The following DEAF1 variants were observed in gnomAD, a reference collection of about 807,000 sequenced individuals.
The protein encoded by DEAF1 is deformed epidermal autoregulatory factor 1 homolog.
DEAF1 carries 53 observed loss-of-function variants against 58.9 expected under a neutral mutation model. The ratio of observed to expected loss-of-function variants is 0.90; its 90% CI spans 0.72 to 1.13. The LOEUF (loss-of-function observed/expected upper bound fraction) is 1.13, where lower values mean the gene tolerates loss of function less well. Among genes scored for constraint, DEAF1 ranks in the 50% most tolerant of loss-of-function variants. The pLI is 0.00. For synonymous variants in DEAF1, 385 were observed against 340.4 expected, an observed-to-expected ratio of 1.13 and a Z score of -1.44; for missense variants, 685 against 791.4, an observed-to-expected ratio of 0.87 and a Z score of 1.61.
At chr11:690,467 G>A (rs1377128913) in intron 2 of DEAF1, among the ~76,000 whole-genome samples, 1 of 151,786 alleles carries the variant, frequency 6.6e-6, no homozygotes, top group South Asian at 2.1e-4. Context: ...CTTTCAGGCC[G>A]GGTGTGGTGG....
intron 1 of DEAF1, chr11:700,711 AGTGGACTGTT>A: frequency 6.2e-7 from 1 of 1,612,800 alleles, no homozygotes; most frequent in East Asian, 2.2e-5. Flanking sequence ...TACCTGGGTG[AGTGGACTGTT>A]AACACCGTGA....
chr11:668,844 T>C (rs1043823938), intron 10 of DEAF1, among the ~76,000 whole-genome samples: 5 of 151,770 alleles, frequency 3.3e-5, no homozygotes, highest in Non-Finnish European at 5.9e-5. Flanking sequence ...TGTTTTTTTT[T>C]AGACAGAGTC....
chr11:655,281 T>C (rs7924599), intron 10 of DEAF1, among the ~76,000 whole-genome samples: 2,451 of 151,746 alleles, frequency 0.016, 60 homozygotes, highest in African/African-American at 0.055. Flanking sequence ...CGGCCCCACC[T>C]GAGCTGGTTT....
rs35325757 is a variant in DEAF1, at chr11:671,826, TAA to T, written c.1503+2708_1503+2709del. 4.8e-3 allele frequency among the ~76,000 whole-genome samples: 305 copies of T among 63,650 alleles called. 1 individual carries two copies. Among genetic ancestry groups the T allele is most frequent in the Middle Eastern group, 9.4e-3 (1 of 106 alleles). 41.8% of individuals were successfully genotyped at this position (63,650 alleles called of 152,430 possible). On this transcript the variant is annotated intron_variant, in intron 10 of 11. Transcript: ENST00000382409. ...GGCAACAGAGTGAGACCTTACCTCT[TAA>T]AAAAAAAAAAAAAAAAAAAAAGAAA...
intron 10 of DEAF1, among the ~76,000 whole-genome samples, chr11:671,826 TA>T (rs35325757): frequency 0.38 from 24,453 of 63,682 alleles, 2,571 homozygotes; most frequent in Non-Finnish European, 0.45. Flanking sequence ...CCTTACCTCT[TA>T]AAAAAAAAAA....
At position 679,807 on chromosome 11, in the gene DEAF1, G is replaced by T; in HGVS notation, c.1007C>A (p.Thr336Asn). The T allele has an allele frequency of 1.2e-6, 2 of 1,613,640 alleles. No individual in the cohort carries two copies. Among genetic ancestry groups the T allele is most frequent in the Non-Finnish European group, 1.7e-6 (2 of 1,180,024 alleles). The part of the protein sequence containing the change: ...PATAATTFTV[T>N]PSGQITTSGA... ...CGAGGTCGTGATCTGTCCCGAGGGG[G>T]TCACGGTGACTGGAAAGGCAGAAGC... The change falls in exon 8 of 12, where the codon ACC becomes AAC. Residue 336 changes from threonine to asparagine, a missense_variant. Coordinates refer to ENST00000382409, the MANE Select transcript of DEAF1 (RefSeq NM_021008.4).
rs1424158189 is a variant in DEAF1, at chr11:677,492, G to GAA, written c.1255+1201_1255+1202insTT. ...AAGCTTTAAAGATGGAAAGAGTTTA[G>GAA]ATAGGCAAAAGAGAGAATAATGAAA... On this transcript the variant is annotated intron_variant, in intron 9 of 11. Coordinates refer to ENST00000382409, the MANE Select transcript of DEAF1 (RefSeq NM_021008.4). Among the ~76,000 whole-genome samples the GAA allele has an allele frequency of 4.7e-5, 5 of 105,654 alleles. 2 individuals carry two copies. The highest frequency in any genetic ancestry group is 1.1e-4 in the Non-Finnish European group (5 of 45,636). The allele number at this position is 105,654 out of a possible 152,430, so 69.3% of individuals were successfully genotyped here.
At position 649,111 on chromosome 11, in the gene DEAF1, C is replaced by T. The variant is rs7931987; in HGVS notation, c.1594-4457G>A. The stretch of plus-strand genomic sequence containing the variant: ...ACGAAAAATACAAAAATTAGCCTGG[C>T]ATGGTGGTGCATGCCTGTAATCCCA... On this transcript the variant is annotated intron_variant, in intron 11 of 11. Transcript: ENST00000382409. Among the ~76,000 whole-genome samples the T allele has an allele frequency of 7.9e-3, 1,205 of 152,102 alleles. 13 individuals carry two copies. Among genetic ancestry groups the T allele is most frequent in the African/African-American group, 0.028 (1,144 of 41,468 alleles).
intron 1 of DEAF1, chr11:694,488 AGTGTGAGGGGCGGGTGGGGCAG>A (rs1861004319): frequency 4.1e-6 from 1 of 242,296 alleles, no homozygotes; most frequent in Non-Finnish European, 7.0e-6. Context: ...ACGTGGGGAA[AGTGTGAGGGGCGGGTGGGGCAG>A]GTGTGAGAGG....
chr11:691,748 G>C (rs571110227), intron 1 of DEAF1, 150 bp from the exon 2 acceptor site: 4 of 711,150 alleles, frequency 5.6e-6, no homozygotes, highest in Non-Finnish European at 7.6e-6. Flanking sequence ...GAACACGCTC[G>C]ACCTACATTT....
At position 695,055 on chromosome 11, in the gene DEAF1, C is replaced by T; in HGVS notation, c.-8G>A. 2 of 1,441,562 alleles carry T rather than the reference C, an allele frequency of 1.4e-6. No individual in the cohort carries two copies. Among genetic ancestry groups the T allele is most frequent in the Non-Finnish European group, 1.8e-6 (2 of 1,098,722 alleles). 89.3% of individuals were successfully genotyped at this position (1,441,562 alleles called of 1,614,324 possible). The stretch of plus-strand genomic sequence containing the variant: ...CGAGTCCGAGTCCTCCATCCGGACT[C>T]CGCCGAGCCTTCCCGAAGGCGCCGT... On this transcript the variant is annotated 5_prime_UTR_variant, in exon 1 of 12. Transcript: ENST00000382409.
intron 9 of DEAF1, among the ~76,000 whole-genome samples, chr11:675,466 C>CTACA (rs1237839513): frequency 6.6e-6 from 1 of 152,166 alleles, no homozygotes; most frequent in Non-Finnish European, 1.5e-5. Context: ...GTGGTCGAGG[C>CTACA]TACAGTGAGC....
At chr11:692,074 A>C (rs1411522560) in intron 1 of DEAF1, among the ~76,000 whole-genome samples, 1 of 151,984 alleles carries the variant, frequency 6.6e-6, no homozygotes. Flanking sequence ...TCGTCAGGTG[A>C]CCTCGGCCCC....
At chr11:695,816 G>C, upstream of DEAF1, 1 of 1,232,290 alleles carries the variant, frequency 8.1e-7, no homozygotes, top group South Asian at 3.9e-5. Context: ...ACCGGCGGGC[G>C]GGGCGGGTAA....
chr11:673,637 C>T (rs4074979), intron 10 of DEAF1, among the ~76,000 whole-genome samples: 33,889 of 152,086 alleles, frequency 0.22, 5,692 homozygotes, highest in African/African-American at 0.48. Flanking sequence ...CCAAAGTCCA[C>T]GTTACCGTAC....
At chr11:652,508 C>T (rs907990839) in intron 11 of DEAF1, among the ~76,000 whole-genome samples, 14 of 152,054 alleles carry the variant, frequency 9.2e-5, no homozygotes, top group African/African-American at 1.7e-4. Flanking sequence ...GGTGGAGGTG[C>T]ATGCCTGTAA....
At chr11:655,399 G>A (rs1165517890) in intron 10 of DEAF1, among the ~76,000 whole-genome samples, 2 of 152,260 alleles carry the variant, frequency 1.3e-5, no homozygotes, top group African/African-American at 4.8e-5. Context: ...TGCTGTCAAT[G>A]ATTAATGTTT....
chr11:703,057 G>A (rs1861570195), intron 1 of DEAF1: 4 of 1,612,830 alleles, frequency 2.5e-6, no homozygotes, highest in Non-Finnish European at 2.5e-6. Context: ...CCCTAGTGTT[G>A]TGGGCGGACT....
At chr11:645,240 CAA>C (rs533987770) in intron 11 of DEAF1, among the ~76,000 whole-genome samples, 1 of 149,754 alleles carries the variant, frequency 6.7e-6, no homozygotes, top group Non-Finnish European at 1.5e-5. Context: ...GGGATGTAAA[CAA>C]AAAATATCAC....
Sources: gnomAD v4.1 joint callset for allele counts (sites outside exome capture counted in the v4.1 genomes callset) on GRCh38, gnomAD v4.1.1 for gene constraint, MANE v1.5 for transcripts, NCBI Gene and HGNC (gene_info 2026-07-23, HGNC 2026-07-21) for gene names.